Variants in MACROD2 observed in about 807,000 individuals in gnomAD.
The protein encoded by MACROD2 is ADP-ribose glycohydrolase MACROD2.
MACROD2 carries 36 observed loss-of-function variants against 70.4 expected under a neutral mutation model. The ratio of observed to expected loss-of-function variants is 0.51; its 90% CI spans 0.39 to 0.68. MACROD2 has a LOEUF of 0.68. Among genes scored for constraint, MACROD2 ranks in the 30% least tolerant of loss-of-function variants. The probability of loss-of-function intolerance (pLI) is 0.00; values close to 1 mark genes in which losing one functional copy is unlikely to be tolerated. For missense variants in MACROD2, 496 were observed against 538.4 expected (o/e 0.92, Z 0.78); for synonymous variants, 172 against 178.8 (o/e 0.96, Z 0.30).
intron 8 of MACROD2, among the ~76,000 whole-genome samples, chr20:15,816,594 G>A (rs900428619): frequency 6.6e-6 from 1 of 152,122 alleles, no homozygotes; most frequent in Non-Finnish European, 1.5e-5. Flanking sequence ...CTTATCAAAA[G>A]ACCTTGATAA....
At chr20:15,585,071 A>G (rs1323169376) in intron 8 of MACROD2, among the ~76,000 whole-genome samples, 2 of 152,184 alleles carry the variant, frequency 1.3e-5, no homozygotes, top group Admixed American at 1.3e-4. Flanking sequence ...TTGCAGTGAC[A>G]CAGTGGATGC....
At chr20:14,403,964 A>G (rs2083665246) in intron 3 of MACROD2, among the ~76,000 whole-genome samples, 1 of 152,150 alleles carries the variant, frequency 6.6e-6, no homozygotes, top group Non-Finnish European at 1.5e-5. Flanking sequence ...AAAAATAATT[A>G]GGGGAGTTGA....
At chr20:15,515,117 T>C (rs1230735481) in intron 8 of MACROD2, among the ~76,000 whole-genome samples, 2 of 152,374 alleles carry the variant, frequency 1.3e-5, no homozygotes, top group Non-Finnish European at 1.5e-5. Flanking sequence ...GCCAGGACCA[T>C]ACTCATTGCA....
At chr20:15,729,508 T>C (rs2050912614) in intron 8 of MACROD2, among the ~76,000 whole-genome samples, 2 of 152,188 alleles carry the variant, frequency 1.3e-5, no homozygotes, top group South Asian at 2.1e-4. Flanking sequence ...GCTATTATTG[T>C]GTGGTTATCT....
At chr20:14,263,274 A>G (rs2082115558) in intron 3 of MACROD2, among the ~76,000 whole-genome samples, 1 of 152,196 alleles carries the variant, frequency 6.6e-6, no homozygotes, top group South Asian at 2.1e-4. Context: ...TAGGTCATGG[A>G]AGAATTGGAA....
intron 6 of MACROD2, among the ~76,000 whole-genome samples, chr20:15,408,307 G>T (rs2046031754): frequency 1.3e-5 from 2 of 152,206 alleles, no homozygotes; most frequent in African/African-American, 4.8e-5. Flanking sequence ...CGGACGACAG[G>T]TTCTGGCTGT....
At chr20:14,638,489 C>T (rs1984907681) in intron 4 of MACROD2, among the ~76,000 whole-genome samples, 2 of 152,052 alleles carry the variant, frequency 1.3e-5, no homozygotes, top group Non-Finnish European at 2.9e-5. Context: ...GAGAGCTCAG[C>T]TTAGTCGTTG....
In MACROD2 at chr20:14,591,442, A is replaced by G. The variant is rs59468155; in HGVS notation, c.302-93401A>G. On this transcript the variant is annotated intron_variant, in intron 4 of 17. Transcript: ENST00000684519. The stretch of plus-strand genomic sequence containing the variant: ...GTATAGCTAGATTGGCTCCCTGTAA[A>G]TATATCTCATAGCACAAGAAATTTA... Among the ~76,000 whole-genome samples, 1,012 of 152,258 alleles carry G rather than the reference A, an allele frequency of 6.6e-3. 12 individuals are homozygous for G. The highest frequency in any genetic ancestry group is 0.023 in the African/African-American group (970 of 41,544).
Position 16,026,634 on chromosome 20 carries a change from G to T in MACROD2, c.1154-14567G>T, listed in dbSNP as rs192950116. Among the ~76,000 whole-genome samples the T allele has an allele frequency of 1.7e-3, 253 of 152,306 alleles. 2 individuals carry two copies. The highest frequency in any genetic ancestry group is 2.5e-3 in the Non-Finnish European group (173 of 68,018). ...AACATTTGGTCCCAACCTCATTGCT[G>T]GGTGGCCTGGAGAAGTCATGCCACT... is the stretch of plus-strand genomic sequence containing the variant. On this transcript the variant is annotated intron_variant, in intron 15 of 17. Transcript: ENST00000684519.
chr20:14,653,257 T>A (rs892676363), intron 4 of MACROD2, among the ~76,000 whole-genome samples: 5 of 151,132 alleles, frequency 3.3e-5, no homozygotes, highest in Non-Finnish European at 7.4e-5. Flanking sequence ...TTCGCTCTGT[T>A]GCCCAGGCTG....
chr20:15,334,547 C>T (rs2078027552), intron 6 of MACROD2, among the ~76,000 whole-genome samples: 1 of 150,678 alleles, frequency 6.6e-6, no homozygotes, highest in Admixed American at 6.6e-5. Flanking sequence ...TAGAACCTTA[C>T]AGGGATGAAG....
intron 3 of MACROD2, among the ~76,000 whole-genome samples, chr20:14,109,887 C>T (rs2054424647): frequency 6.6e-6 from 1 of 151,712 alleles, no homozygotes; most frequent in East Asian, 1.9e-4. Context: ...AAGTATTACC[C>T]TGATACCAAA....
intron 5 of MACROD2, among the ~76,000 whole-genome samples, chr20:14,947,839 C>G (rs1338302750): frequency 1.3e-5 from 2 of 152,138 alleles, no homozygotes; most frequent in African/African-American, 4.8e-5. Context: ...GGGATTACAT[C>G]CTTCAACCTT....
chr20:15,666,522 T>C (rs1426902398), intron 8 of MACROD2, among the ~76,000 whole-genome samples: 1 of 152,242 alleles, frequency 6.6e-6, no homozygotes, highest in Admixed American at 6.5e-5. Flanking sequence ...AAAATTTATG[T>C]ATTTTTTTTC....
chr20:14,489,805 CT>C (rs1368599393), intron 3 of MACROD2, among the ~76,000 whole-genome samples: 1 of 151,044 alleles, frequency 6.6e-6, no homozygotes, highest in Non-Finnish European at 1.5e-5. Flanking sequence ...CAAACAATTA[CT>C]GTGGAGATAA....
In MACROD2 at chr20:14,041,540, C is replaced by T. The variant is rs1047147437; in HGVS notation, c.163+39136C>T. On this transcript the variant is annotated intron_variant, in intron 2 of 17. Coordinates refer to ENST00000684519, the MANE Select transcript of MACROD2 (RefSeq NM_001351661.2). ...GGAATAAGAAATACTTCTGTAACAG[C>T]TCTGGAAAACAGGAAAAGATGAAAT... 8.5e-5 allele frequency among the ~76,000 whole-genome samples: 13 copies of T among 152,274 alleles called. No homozygotes were observed. The South Asian group carries it at 2.5e-3, about 29-fold the overall frequency.
intron 6 of MACROD2, among the ~76,000 whole-genome samples, chr20:15,418,382 G>A (rs1441853383): frequency 6.6e-6 from 1 of 152,182 alleles, no homozygotes; most frequent in African/African-American, 2.4e-5. Flanking sequence ...CAGCCTGTCA[G>A]TGAGTCCCGG....
At chr20:14,355,829 A>G (rs943336132) in intron 3 of MACROD2, among the ~76,000 whole-genome samples, 26 of 152,140 alleles carry the variant, frequency 1.7e-4, no homozygotes, top group African/African-American at 4.1e-4. Context: ...GAGATTGGCT[A>G]TTTTTCATTT....
chr20:15,447,196 A>G (rs758995776), intron 7 of MACROD2, among the ~76,000 whole-genome samples: 1 of 152,092 alleles, frequency 6.6e-6, no homozygotes, highest in African/African-American at 2.4e-5. Flanking sequence ...TGTGGTGAGC[A>G]TGGGAAGGTG....
Sources: gnomAD v4.1 joint callset for allele counts (sites outside exome capture counted in the v4.1 genomes callset) on GRCh38, gnomAD v4.1.1 for gene constraint, MANE v1.5 for transcripts, NCBI Gene and HGNC (gene_info 2026-07-23, HGNC 2026-07-21) for gene names.